The following DOCK2 variants were observed in gnomAD, a reference collection of about 807,000 sequenced individuals.
DOCK2 encodes dedicator of cytokinesis protein 2.
A neutral mutation model predicts 248.9 loss-of-function variants in DOCK2; 87 were observed. The ratio of observed to expected loss-of-function variants is 0.35; its 90% CI spans 0.29 to 0.42. DOCK2 has a LOEUF of 0.42. Among genes scored for constraint, DOCK2 ranks in the 10% least tolerant of loss-of-function variants. The probability of loss-of-function intolerance (pLI) is 1.00; values close to 1 mark genes in which losing one functional copy is unlikely to be tolerated. For synonymous variants in DOCK2, 805 were observed against 821.6 expected (o/e 0.98, Z 0.35); for missense variants, 1,747 against 2,300.2 (o/e 0.76, Z 4.92).
chr5:170,036,351 G>A (rs778539468), intron 35 of DOCK2, among the ~76,000 whole-genome samples, 164 bp from the exon 36 acceptor site: 5 of 152,180 alleles, frequency 3.3e-5, no homozygotes, highest in Non-Finnish European at 7.3e-5. Context: ...CAATTAGGCT[G>A]TTTGATGCAT....
At chr5:169,823,734 C>A (rs1490257498) in intron 26 of DOCK2, among the ~76,000 whole-genome samples, 2 of 152,188 alleles carry the variant, frequency 1.3e-5, no homozygotes, top group African/African-American at 4.8e-5. Context: ...CCTCTCTCAC[C>A]ACTCCTATTC....
chr5:169,815,399 A>G (rs141322640), intron 26 of DOCK2, among the ~76,000 whole-genome samples: 1 of 152,284 alleles, frequency 6.6e-6, no homozygotes, highest in African/African-American at 2.4e-5. Context: ...TGCCATTACC[A>G]AAGTTTAAAG....
intron 25 of DOCK2, among the ~76,000 whole-genome samples, chr5:169,765,102 ACCC>A (rs1554098303): frequency 1.7e-4 from 25 of 147,848 alleles, no homozygotes; most frequent in African/African-American, 6.1e-4. Flanking sequence ...ACACACACAC[ACCC>A]CACACACAGT....
intron 22 of DOCK2, among the ~76,000 whole-genome samples, chr5:169,734,996 A>C (rs1762961180): frequency 6.6e-6 from 1 of 152,148 alleles, no homozygotes; most frequent in Non-Finnish European, 1.5e-5. Flanking sequence ...CTTTCTTGAC[A>C]GTTTAGTGAC....
At chr5:169,842,584 T>C (rs1412976494) in intron 27 of DOCK2, among the ~76,000 whole-genome samples, 2 of 152,204 alleles carry the variant, frequency 1.3e-5, no homozygotes, top group African/African-American at 4.8e-5. Flanking sequence ...GGTCTTGAAC[T>C]CCTGACCTCA....
intron 27 of DOCK2, among the ~76,000 whole-genome samples, chr5:169,886,444 C>A (rs1772975755): frequency 6.6e-6 from 1 of 152,188 alleles, no homozygotes; most frequent in African/African-American, 2.4e-5. Flanking sequence ...TTCCTCAGTC[C>A]ATGACTAAAT....
intron 27 of DOCK2, among the ~76,000 whole-genome samples, chr5:169,935,199 T>G (rs573578226): frequency 4.3e-4 from 65 of 152,340 alleles, no homozygotes; most frequent in South Asian, 2.7e-3. Flanking sequence ...CAGAGCAGCA[T>G]GCCATTGCCG....
Position 169,666,585 on chromosome 5 carries a change from G to A in DOCK2, c.128-2703G>A, listed in dbSNP as rs553567207. The stretch of plus-strand genomic sequence containing the variant: ...GTTGTTATCTGCCCAGTCATGTTTT[G>A]GAGCATAGATAGATATAGCTGATTG... On this transcript the variant is annotated intron_variant, in intron 2 of 51. Coordinates refer to ENST00000520908, the MANE Select transcript of DOCK2 (RefSeq NM_004946.3). Among the ~76,000 whole-genome samples the A allele has an allele frequency of 1.1e-4, 17 of 152,236 alleles. No individual in the cohort carries two copies. In the South Asian group the frequency reaches 3.5e-3, roughly 32 times the overall value.
At chr5:170,032,049 C>T (rs13159005) in intron 34 of DOCK2, among the ~76,000 whole-genome samples, 58,398 of 147,250 alleles carry the variant, frequency 0.4, 12,541 homozygotes, top group East Asian at 0.58. Context: ...TTTTTTGAGA[C>T]GGAGTCTCGC....
intron 13 of DOCK2, among the ~76,000 whole-genome samples, chr5:169,701,225 T>C (rs1760950910): frequency 6.6e-6 from 1 of 152,242 alleles, no homozygotes; most frequent in Non-Finnish European, 1.5e-5. Context: ...GAATGAAGCA[T>C]TGCCCGATTC....
Position 170,042,110 on chromosome 5 carries a change from T to G in DOCK2, c.3854T>G (p.Ile1285Arg). 6.2e-6 allele frequency: 10 copies of G among 1,612,814 alleles called. No individual in the cohort carries two copies. The highest frequency in any genetic ancestry group is 8.5e-6 in the Non-Finnish European group (10 of 1,179,284). Reference protein sequence around the residue: ...QLKETLYETIIGYFDKGKMWE... With the variant: ...QLKETLYETIRGYFDKGKMWE... Reference sequence around the variant, plus strand: ...AAGGAGACGCTCTACGAGACCATCATAGGCTACTTTGACAAAGGAAAGGTA... The same window carrying G: ...AAGGAGACGCTCTACGAGACCATCAGAGGCTACTTTGACAAAGGAAAGGTA... Residue 1285 changes from isoleucine (I) to arginine (R), a missense_variant, in exon 38 of 52, where the codon ATA (isoleucine) becomes AGA (arginine). By Grantham distance (97) the Ile-to-Arg change is moderately conservative. This residue lies in a region of DOCK2 where 858 missense variants were observed against 1,183.5 expected (regional missense o/e 0.72). Coordinates refer to ENST00000520908, the MANE Select transcript of DOCK2 (RefSeq NM_004946.3).
chr5:169,824,441 C>A (rs1046711661), intron 26 of DOCK2, among the ~76,000 whole-genome samples: 8 of 152,270 alleles, frequency 5.3e-5, no homozygotes, highest in African/African-American at 1.9e-4. Context: ...ACCAATAGAA[C>A]AGAACAGAGC....
intron 25 of DOCK2, among the ~76,000 whole-genome samples, chr5:169,786,641 C>G (rs1412153842): frequency 6.6e-6 from 1 of 152,110 alleles, no homozygotes; most frequent in Non-Finnish European, 1.5e-5. Flanking sequence ...AGAAACATAG[C>G]CAGCCCAATC....
At chr5:169,717,170 G>C (rs986834889) in intron 20 of DOCK2, among the ~76,000 whole-genome samples, 4 of 152,116 alleles carry the variant, frequency 2.6e-5, no homozygotes, top group Admixed American at 2.0e-4. Context: ...AAACCTATTT[G>C]ACCATGAAAT....
At chr5:169,845,006 T>C (rs1187142128) in intron 27 of DOCK2, among the ~76,000 whole-genome samples, 1 of 151,902 alleles carries the variant, frequency 6.6e-6, no homozygotes, top group Non-Finnish European at 1.5e-5. Context: ...TTAGGCATGG[T>C]CTGTGCCCTG....
chr5:169,702,598 A>G, intron 14 of DOCK2, 171 bp downstream of exon 14: 1 of 851,558 alleles, frequency 1.2e-6, no homozygotes, highest in South Asian at 2.2e-5. Context: ...GTGTTCCATA[A>G]TAAGACCTTG....
In DOCK2 at chr5:170,069,146, A is replaced by T; in HGVS notation, c.4654A>T (p.Thr1552Ser). The change falls in exon 46 of 52, where the codon ACT becomes TCT. Residue 1552 changes from threonine (T) to serine (S), a missense_variant. Transcript: ENST00000520908. ...GFAKYEKAFF[T>S]EEYVRDHPED... Reference sequence around the variant, plus strand: ...TATCTGTCCTCCCCAGGCCTTCTTCACTGAAGAGTATGTCAGGGACCACCC... The same window carrying T: ...TATCTGTCCTCCCCAGGCCTTCTTCTCTGAAGAGTATGTCAGGGACCACCC... 1 of 1,613,852 alleles carries T rather than the reference A, an allele frequency of 6.2e-7. No homozygotes were observed. The highest frequency in any genetic ancestry group is 8.5e-7 in the Non-Finnish European group (1 of 1,179,870).
intron 27 of DOCK2, among the ~76,000 whole-genome samples, chr5:169,925,902 G>C (rs1014745519): frequency 2.0e-5 from 3 of 152,146 alleles, no homozygotes; most frequent in African/African-American, 7.2e-5. Context: ...GCCTGTTTTA[G>C]GTCTTGTGTT....
chr5:169,734,090 C>T (rs924499346), intron 22 of DOCK2, among the ~76,000 whole-genome samples: 11 of 151,810 alleles, frequency 7.2e-5, no homozygotes, highest in Admixed American at 6.6e-4. Flanking sequence ...TTTGTTTTCT[C>T]GGTTCATTCT....
Sources: gnomAD v4.1 joint callset for allele counts (sites outside exome capture counted in the v4.1 genomes callset) on GRCh38, gnomAD v4.1.1 for gene constraint, gnomAD v4.1.1 regional missense constraint, MANE v1.5 for transcripts, NCBI Gene and HGNC (gene_info 2026-07-23, HGNC 2026-07-21) for gene names.